Variants in DUSP13A observed in about 807,000 individuals in gnomAD.
DUSP13A encodes the protein dual specificity protein phosphatase 13A.
chr10:75,107,961 A>G, the DUSP13A span: 5 of 1,587,606 alleles, frequency 3.1e-6, no homozygotes, highest in African/African-American at 1.3e-5. Flanking sequence ...AATGAGCAAG[A>G]TGGGATATGG....
chr10:75,106,101 CT>C, the DUSP13A span, among the ~76,000 whole-genome samples: 26,146 of 122,934 alleles, frequency 0.21, 2,737 homozygotes, highest in African/African-American at 0.32. Flanking sequence ...TCTTTCTTTT[CT>C]TTTTTTTTTT....
chr10:75,109,128 C>G, the DUSP13A span: 1 of 1,606,672 alleles, frequency 6.2e-7, no homozygotes, highest in South Asian at 1.1e-5. Context: ...TGTCCTCTCC[C>G]CCCAGCTCTG....
At chr10:75,105,843 C>T in the DUSP13A span, 2 of 1,550,552 alleles carry the variant, frequency 1.3e-6, no homozygotes, top group East Asian at 4.9e-5. Flanking sequence ...GGCTCACGCC[C>T]ACCACACAGT....
chr10:75,108,327 C>T, the DUSP13A span: 3 of 1,455,310 alleles, frequency 2.1e-6, no homozygotes, highest in Non-Finnish European at 2.7e-6. Context: ...GAGTCCAACC[C>T]CAGCAAGCTC....
the DUSP13A span, chr10:75,108,411 G>T: frequency 1.1e-6 from 1 of 932,816 alleles, no homozygotes; most frequent in Non-Finnish European, 1.5e-6. Context: ...CGGTGTGTGT[G>T]TCGGGGGATC....
chr10:75,105,801 C>A, the DUSP13A span: 1 of 1,551,026 alleles, frequency 6.4e-7, no homozygotes, highest in Admixed American at 2.0e-5. Flanking sequence ...GCTGGTGCAG[C>A]ATGAGGTAGG....
At chr10:75,105,920 CG>C in the DUSP13A span, 3 of 1,515,282 alleles carry the variant, frequency 2.0e-6, no homozygotes, top group African/African-American at 4.1e-5. Context: ...GGCCCACCCA[CG>C]GGCTGGGATG....
the DUSP13A span, among the ~76,000 whole-genome samples, chr10:75,107,662 C>T: frequency 7.9e-5 from 12 of 152,140 alleles, no homozygotes; most frequent in East Asian, 1.2e-3. Context: ...CTGCAACCTC[C>T]GCCCCCCATG....
chr10:75,108,255 C>T, the DUSP13A span: 1 of 1,549,422 alleles, frequency 6.5e-7, no homozygotes, highest in South Asian at 1.2e-5. Flanking sequence ...AGCCATGGGA[C>T]CAGGAGGGAG....
At chr10:75,107,634 T>A in the DUSP13A span, among the ~76,000 whole-genome samples, 1 of 151,836 alleles carries the variant, frequency 6.6e-6, no homozygotes. Context: ...TAGAGTGAAG[T>A]GGCATGATCT....
At chr10:75,107,888 T>C in the DUSP13A span, 1 of 1,360,418 alleles carries the variant, frequency 7.4e-7, no homozygotes, top group Non-Finnish European at 1.0e-6. Flanking sequence ...AAGCAGAGGA[T>C]TTTTAAAAAG....
At chr10:75,106,101 CTTTTTTTT>C in the DUSP13A span, among the ~76,000 whole-genome samples, 24 of 123,040 alleles carry the variant, frequency 2.0e-4, 1 homozygote, top group South Asian at 6.0e-3. Context: ...TCTTTCTTTT[CTTTTTTTT>C]TTTTTTTTTT....
chr10:75,107,483 T>C, the DUSP13A span, among the ~76,000 whole-genome samples: 7 of 152,198 alleles, frequency 4.6e-5, no homozygotes, highest in Admixed American at 3.3e-4. Context: ...TCAGGGTTGC[T>C]CCTAACTCAT....
the DUSP13A span, chr10:75,109,013 C>G: frequency 1.2e-6 from 2 of 1,604,768 alleles, no homozygotes; most frequent in South Asian, 2.2e-5. Context: ...ACTCACGCAT[C>G]TCCTATGAAA....
chr10:75,107,904 A>C, the DUSP13A span: 3 of 1,411,652 alleles, frequency 2.1e-6, no homozygotes, highest in South Asian at 1.4e-5. Flanking sequence ...AAAAGCAGGG[A>C]TGGGAGGGCA....
the DUSP13A span, chr10:75,105,688 C>G: frequency 1.3e-6 from 2 of 1,549,776 alleles, no homozygotes; most frequent in East Asian, 4.9e-5. Flanking sequence ...GCCGGCACCC[C>G]GCAGTTGCTG....
chr10:75,107,948 A>G, the DUSP13A span: 6 of 1,567,334 alleles, frequency 3.8e-6, no homozygotes. Context: ...CATCCTCCCC[A>G]TGAATGAGCA....
the DUSP13A span, among the ~76,000 whole-genome samples, chr10:75,106,971 C>G: frequency 6.6e-6 from 1 of 152,230 alleles, no homozygotes; most frequent in African/African-American, 2.4e-5. Context: ...GACACAAAGC[C>G]AGGACACCAG....
chr10:75,108,887 G>T, the DUSP13A span: 1 of 1,322,438 alleles, frequency 7.6e-7, no homozygotes. Context: ...GAAGGTCCCT[G>T]GCCTGGGATG....
Sources: allele counts gnomAD v4.1 joint callset (sites outside exome capture counted in the v4.1 genomes callset), GRCh38; gene constraint gnomAD v4.1.1; transcripts MANE v1.5; gene names NCBI Gene and HGNC (gene_info 2026-07-23, HGNC 2026-07-21).